MIR2052HG: variants seen among roughly 807,000 people sequenced by gnomAD.
The protein encoded by MIR2052HG is MIR2052 host gene.
chr8:74,632,404 G>C (rs1376234389), intron 2 of MIR2052HG: 2 of 152,032 alleles, frequency 1.3e-5, no homozygotes, highest in Admixed American at 1.3e-4. Flanking sequence ...TTTCTTTCAG[G>C]GGAGAGCCTG....
chr8:74,735,667 G>A (rs1347373765), intron 4 of MIR2052HG, among the ~76,000 whole-genome samples: 1 of 152,200 alleles, frequency 6.6e-6, no homozygotes, highest in African/African-American at 2.4e-5. Context: ...AATAAAGTGA[G>A]CCTATTTGTT....
At chr8:74,728,840 A>G (rs1292188544) in intron 4 of MIR2052HG, among the ~76,000 whole-genome samples, 2 of 152,196 alleles carry the variant, frequency 1.3e-5, no homozygotes, top group African/African-American at 2.4e-5. Flanking sequence ...TCTAATAACA[A>G]ACATACACTT....
chr8:74,655,435 CA>C (rs1226715105), intron 2 of MIR2052HG, among the ~76,000 whole-genome samples: 2 of 152,154 alleles, frequency 1.3e-5, no homozygotes, highest in African/African-American at 4.8e-5. Flanking sequence ...ATGCTGTGTG[CA>C]GCCTAGGGAC....
chr8:74,675,559 G>A (rs1283431805), intron 2 of MIR2052HG, among the ~76,000 whole-genome samples: 1 of 151,938 alleles, frequency 6.6e-6, no homozygotes, highest in East Asian at 1.9e-4. Flanking sequence ...ACTGTGCAGA[G>A]GATGATTACA....
In MIR2052HG at chr8:74,718,894, T is replaced by C. The variant is rs1448600169; in HGVS notation, n.371+15212T>C. Among the ~76,000 whole-genome samples the C allele has an allele frequency of 2.6e-5, 4 of 152,260 alleles. No homozygotes were observed. The East Asian group carries it at 7.7e-4, about 29-fold the overall frequency. ...AGGCCCCATCTCCTAATACCATCAC[T>C]CTGGGGGTCTGAATTTTAACGTATT... is the stretch of plus-strand genomic sequence containing the variant. On this transcript the variant is annotated intron_variant and non_coding_transcript_variant, in intron 4 of 6. Transcript: ENST00000523442.
intron 2 of MIR2052HG, among the ~76,000 whole-genome samples, chr8:74,647,072 A>C (rs1808696549): frequency 1.3e-5 from 2 of 152,206 alleles, no homozygotes; most frequent in African/African-American, 4.8e-5. Context: ...GAGGCACAAA[A>C]GTTCACCTAA....
chr8:74,708,232 T>C (rs540668350), intron 4 of MIR2052HG, among the ~76,000 whole-genome samples: 4 of 152,190 alleles, frequency 2.6e-5, no homozygotes, highest in Non-Finnish European at 5.9e-5. Flanking sequence ...GGAGTCATCA[T>C]CTGAATGGGA....
chr8:74,700,584 A>T (rs1286671169), intron 2 of MIR2052HG, among the ~76,000 whole-genome samples: 1 of 152,210 alleles, frequency 6.6e-6, no homozygotes, highest in Non-Finnish European at 1.5e-5. Flanking sequence ...TTTATATTAC[A>T]AAATCAAGGC....
At chr8:74,745,083 G>A (rs987827544) in intron 4 of MIR2052HG, among the ~76,000 whole-genome samples, 15 of 151,936 alleles carry the variant, frequency 9.9e-5, no homozygotes, top group African/African-American at 2.4e-5. Context: ...CATAGGAAGA[G>A]TCCTGTCTCT....
At chr8:74,667,058 C>T (rs1393913779) in intron 2 of MIR2052HG, among the ~76,000 whole-genome samples, 11 of 152,176 alleles carry the variant, frequency 7.2e-5, no homozygotes, top group African/African-American at 2.2e-4. Flanking sequence ...GCTGAGGAGC[C>T]GCAAAAGCTC....
At chr8:74,622,938 A>G (rs1808383863) in intron 2 of MIR2052HG, among the ~76,000 whole-genome samples, 1 of 152,208 alleles carries the variant, frequency 6.6e-6, no homozygotes, top group Admixed American at 6.5e-5. Flanking sequence ...TAAATACCAC[A>G]TGATCTCACT....
chr8:74,699,555 A>G (rs190783848), intron 2 of MIR2052HG, among the ~76,000 whole-genome samples: 3 of 152,138 alleles, frequency 2.0e-5, no homozygotes, highest in African/African-American at 7.2e-5. Context: ...ACAACATCGT[A>G]TGTCCTCACT....
At chr8:74,687,175 A>G (rs1197014645) in intron 2 of MIR2052HG, among the ~76,000 whole-genome samples, 1 of 152,178 alleles carries the variant, frequency 6.6e-6, no homozygotes, top group Non-Finnish European at 1.5e-5. Flanking sequence ...TAGAATGGCT[A>G]ATATCAAAAA....
At chr8:74,672,129 A>G (rs965749721) in intron 2 of MIR2052HG, among the ~76,000 whole-genome samples, 1 of 152,148 alleles carries the variant, frequency 6.6e-6, no homozygotes, top group Non-Finnish European at 1.5e-5. Context: ...ATATTATTAT[A>G]AAACAGTTAT....
intron 1 of MIR2052HG, among the ~76,000 whole-genome samples, chr8:74,606,172 GTGT>G (rs1167262280): frequency 1.3e-5 from 2 of 152,214 alleles, no homozygotes; most frequent in African/African-American, 4.8e-5. Flanking sequence ...GGGGCTTTGG[GTGT>G]TATCAATCGG....
At chr8:74,668,306 C>G (rs1808953873) in intron 2 of MIR2052HG, among the ~76,000 whole-genome samples, 1 of 151,658 alleles carries the variant, frequency 6.6e-6, no homozygotes, top group Non-Finnish European at 1.5e-5. Context: ...CCAAGAAGAA[C>G]AAGCAGATTA....
At chr8:74,659,177 T>G (rs1808836198) in intron 2 of MIR2052HG, among the ~76,000 whole-genome samples, 1 of 152,184 alleles carries the variant, frequency 6.6e-6, no homozygotes, top group South Asian at 2.1e-4. Flanking sequence ...TGAACCTGTT[T>G]CTAAGAAAGG....
chr8:74,683,080 A>G (rs1008956779), intron 2 of MIR2052HG, among the ~76,000 whole-genome samples: 6 of 152,188 alleles, frequency 3.9e-5, no homozygotes, highest in Non-Finnish European at 5.9e-5. Context: ...AGTGTAAATA[A>G]TAAGGCATGA....
At chr8:74,609,056 AC>A (rs1360680211) in intron 1 of MIR2052HG, among the ~76,000 whole-genome samples, 1 of 152,030 alleles carries the variant, frequency 6.6e-6, no homozygotes, top group Non-Finnish European at 1.5e-5. Flanking sequence ...CTTTTTGGCA[AC>A]CAGTGATAAA....
Sources: gnomAD v4.1 joint callset for allele counts (sites outside exome capture counted in the v4.1 genomes callset) on GRCh38, gnomAD v4.1.1 for gene constraint, MANE v1.5 for transcripts, NCBI Gene and HGNC (gene_info 2026-07-23, HGNC 2026-07-21) for gene names.